Variants in SAMMSON observed in about 807,000 individuals in gnomAD.
SAMMSON encodes survival associated mitochondrial melanoma specific oncogenic non-coding RNA, also known as long intergenic non-protein coding RNA 1212.
intron 4 of SAMMSON, among the ~76,000 whole-genome samples, chr3:70,129,526 A>G (rs1002586641): frequency 6.6e-6 from 1 of 152,344 alleles, no homozygotes; most frequent in Non-Finnish European, 1.5e-5. Flanking sequence ...TCTTTCATAA[A>G]TAAGAGTAAT....
chr3:70,147,559 C>T (rs1232459643), intron 4 of SAMMSON, among the ~76,000 whole-genome samples: 1 of 151,958 alleles, frequency 6.6e-6, no homozygotes, highest in East Asian at 1.9e-4. Context: ...TTGGAGAAAG[C>T]ATAGTCTTTT....
In SAMMSON at chr3:70,262,107, C is replaced by T. The variant is rs1363057179; in HGVS notation, n.674+12437C>T. ...TTTCTTTTCTCAAAAGCTGGTGCGA[C>T]AGTATTGCCTTCTATGTGTGTTGAG... On this transcript the variant is annotated intron_variant and non_coding_transcript_variant, in intron 6 of 9. Coordinates refer to ENST00000642114, the Ensembl canonical transcript of SAMMSON. Among the ~76,000 whole-genome samples the T allele has an allele frequency of 3.3e-5, 5 of 152,140 alleles. 1 individual carries two copies. Among genetic ancestry groups the T allele is most frequent in the Non-Finnish European group, 7.4e-5 (5 of 68,026 alleles).
intron 4 of SAMMSON, among the ~76,000 whole-genome samples, chr3:70,207,974 G>C (rs575128648): frequency 6.6e-6 from 1 of 152,008 alleles, no homozygotes; most frequent in African/African-American, 2.4e-5. Flanking sequence ...TAAGACAGGC[G>C]TGGACCTTGA....
At chr3:70,372,526 C>G (rs1702979345) in intron 9 of SAMMSON, among the ~76,000 whole-genome samples, 1 of 152,060 alleles carries the variant, frequency 6.6e-6, no homozygotes, top group Admixed American at 6.6e-5. Context: ...TCTCAAACTC[C>G]TGACCGCAGA....
chr3:70,163,555 G>C lies in SAMMSON; in HGVS notation n.508-85552G>C, dbSNP rs1399200193. ...AATTACATGAAATACTTACTTTGTA[G>C]GATTTTAAAATGCCAGGTTGGGGTT... On this transcript the variant is annotated intron_variant and non_coding_transcript_variant, in intron 4 of 9. Transcript: ENST00000642114. Among the ~76,000 whole-genome samples, 4 of 151,754 alleles carry C rather than the reference G, an allele frequency of 2.6e-5. No individual in the cohort carries two copies. In the East Asian group the frequency reaches 7.8e-4, roughly 29 times the overall value.
chr3:70,242,034 A>G (rs1185580366), intron 4 of SAMMSON, among the ~76,000 whole-genome samples: 2 of 152,196 alleles, frequency 1.3e-5, no homozygotes, highest in Admixed American at 6.5e-5. Context: ...TGACTACACT[A>G]TCTTTGATGC....
chr3:70,100,088 A>G (rs1350826113), intron 4 of SAMMSON, among the ~76,000 whole-genome samples: 4 of 152,122 alleles, frequency 2.6e-5, no homozygotes, highest in Admixed American at 6.5e-5. Flanking sequence ...CAGGTCCTAT[A>G]TCAACACTCT....
intron 7 of SAMMSON, among the ~76,000 whole-genome samples, chr3:70,317,622 A>ATATATATATATGTATGTATATATG (rs1559562512): frequency 6.6e-6 from 1 of 150,680 alleles, no homozygotes; most frequent in Non-Finnish European, 1.5e-5. Flanking sequence ...GTATATATGT[A>ATATATATATATGTATGTATATATG]TATATATATA....
At chr3:70,091,559 T>C (rs1395016561) in intron 4 of SAMMSON, among the ~76,000 whole-genome samples, 1 of 152,224 alleles carries the variant, frequency 6.6e-6, no homozygotes, top group Non-Finnish European at 1.5e-5. Context: ...TATAAAATCC[T>C]GCTTGTAGTC....
intron 6 of SAMMSON, among the ~76,000 whole-genome samples, chr3:70,253,341 G>A (rs1701786632): frequency 6.6e-6 from 1 of 152,138 alleles, no homozygotes; most frequent in East Asian, 1.9e-4. Flanking sequence ...TGTGCATGGA[G>A]TCCAAGGTGG....
intron 4 of SAMMSON, among the ~76,000 whole-genome samples, chr3:70,184,844 G>C (rs1031824905): frequency 5.9e-5 from 9 of 152,150 alleles, no homozygotes; most frequent in Non-Finnish European, 1.3e-4. Flanking sequence ...TACCTCTCAG[G>C]TTGTCAGGTG....
At chr3:70,273,090 T>C (rs1458372030) in intron 6 of SAMMSON, among the ~76,000 whole-genome samples, 2 of 152,204 alleles carry the variant, frequency 1.3e-5, no homozygotes, top group Non-Finnish European at 2.9e-5. Context: ...ACCCAAGTTT[T>C]GTCTGGGAAA....
intron 4 of SAMMSON, among the ~76,000 whole-genome samples, chr3:70,108,259 G>A (rs2067374726): frequency 6.6e-6 from 1 of 151,898 alleles, no homozygotes; most frequent in Admixed American, 6.6e-5. Context: ...GCAACAAGGC[G>A]CCCTGGTGGC....
chr3:70,043,284 G>A (rs1048799301), intron 3 of SAMMSON, among the ~76,000 whole-genome samples: 3 of 151,992 alleles, frequency 2.0e-5, no homozygotes, highest in South Asian at 2.1e-4. Flanking sequence ...TCACGCATCC[G>A]TCTTTAATTT....
intron 6 of SAMMSON, among the ~76,000 whole-genome samples, chr3:70,263,730 C>T (rs1701889378): frequency 6.6e-6 from 1 of 152,170 alleles, no homozygotes; most frequent in African/African-American, 2.4e-5. Flanking sequence ...TTTCTATCCT[C>T]TCTGCCTCCC....
intron 3 of SAMMSON, chr3:70,069,530 A>G (rs915142772): frequency 6.6e-6 from 1 of 152,146 alleles, no homozygotes; most frequent in Non-Finnish European, 1.5e-5. Context: ...TTTTACAGGC[A>G]AGGGAACTGA....
At chr3:70,328,724 T>C (rs941807704) in intron 7 of SAMMSON, among the ~76,000 whole-genome samples, 5 of 151,692 alleles carry the variant, frequency 3.3e-5, no homozygotes, top group African/African-American at 1.2e-4. Flanking sequence ...ACCCAGAGAG[T>C]GATGCAGTGA....
At chr3:70,379,767 T>C (rs1449411031) in intron 9 of SAMMSON, among the ~76,000 whole-genome samples, 2 of 152,032 alleles carry the variant, frequency 1.3e-5, no homozygotes, top group Non-Finnish European at 2.9e-5. Flanking sequence ...CCTTGTCCTT[T>C]ATAGAGAAAA....
chr3:70,267,201 G>A (rs2106667212), intron 6 of SAMMSON, among the ~76,000 whole-genome samples: 1 of 152,086 alleles, frequency 6.6e-6, no homozygotes, highest in African/African-American at 2.4e-5. Context: ...TCCCCCTTAT[G>A]TTTTAGACAG....
Sources: gnomAD v4.1 joint callset for allele counts (sites outside exome capture counted in the v4.1 genomes callset) on GRCh38, gnomAD v4.1.1 for gene constraint, MANE v1.5 for transcripts, NCBI Gene and HGNC (gene_info 2026-07-23, HGNC 2026-07-21) for gene names.